The following KCNK10 variants were observed in gnomAD, a reference collection of about 807,000 sequenced individuals.
KCNK10 encodes the protein potassium channel subfamily K member 10.
Under a neutral mutation model 47.7 loss-of-function variants are expected in KCNK10, and 25 were observed. That is an observed-to-expected ratio of 0.52 (90% CI 0.38 to 0.73). The LOEUF is 0.73. Among genes scored for constraint, KCNK10 ranks in the 30% least tolerant of loss-of-function variants. The pLI, the probability that KCNK10 is intolerant of heterozygous loss-of-function variation, is 0.00. For missense variants in KCNK10, 563 were observed against 714.5 expected (o/e 0.79, Z 2.42); for synonymous variants, 303 against 285.6 (o/e 1.06, Z -0.61).
At chr14:88,241,288 T>C (rs1208111652) in intron 2 of KCNK10, among the ~76,000 whole-genome samples, 1 of 152,222 alleles carries the variant, frequency 6.6e-6, no homozygotes, top group African/African-American at 2.4e-5. Flanking sequence ...CTGTGGCCGT[T>C]ATTAACTTCA....
At chr14:88,193,475 A>G (rs1884815410) in intron 4 of KCNK10, among the ~76,000 whole-genome samples, 1 of 152,148 alleles carries the variant, frequency 6.6e-6, no homozygotes, top group Non-Finnish European at 1.5e-5. Flanking sequence ...GGTGCTGGAG[A>G]CTGTCATCAG....
In KCNK10 at chr14:88,260,781, AT is replaced by A. The variant is rs1365329414; in HGVS notation, c.402+2420del. Among the ~76,000 whole-genome samples, 9 of 152,260 alleles carry A rather than the reference AT, an allele frequency of 5.9e-5. No individual in the cohort carries two copies. Among genetic ancestry groups the A allele is most frequent in the Non-Finnish European group, 1.2e-4 (8 of 68,050 alleles). On this transcript the variant is annotated intron_variant, in intron 2 of 6. Coordinates refer to ENST00000319231, the MANE Select transcript of KCNK10 (RefSeq NM_138317.3). The surrounding 1 kb of genome is among the most constrained non-coding windows in gnomAD (Gnocchi z 4.5). ...TGCCTAATAAAGAGCAGCTTTTTAA[AT>A]TGTTATAAAATTATCTTAAATGCAC...
At chr14:88,213,646 T>C (rs890781744) in intron 4 of KCNK10, among the ~76,000 whole-genome samples, 1 of 152,130 alleles carries the variant, frequency 6.6e-6, no homozygotes. Context: ...GAAGTGATTA[T>C]CTCTTCAATG....
intron 1 of KCNK10, among the ~76,000 whole-genome samples, chr14:88,275,321 C>T (rs1887504036): frequency 6.6e-6 from 1 of 152,162 alleles, no homozygotes; most frequent in Non-Finnish European, 1.5e-5. Flanking sequence ...TTTCCTGCAG[C>T]CTTCTCTCTG....
At chr14:88,218,147 C>T (rs1185614912) in intron 4 of KCNK10, among the ~76,000 whole-genome samples, 1 of 152,188 alleles carries the variant, frequency 6.6e-6, no homozygotes, top group African/African-American at 2.4e-5. Context: ...ACGTGGACCA[C>T]TGCGCCTGCC....
intron 1 of KCNK10, among the ~76,000 whole-genome samples, chr14:88,300,844 T>C (rs1480837671): frequency 1.1e-5 from 1 of 89,166 alleles, no homozygotes; most frequent in African/African-American, 4.4e-5. Context: ...TGAAAATTAG[T>C]TTTATTTATC....
At chr14:88,315,494 T>A (rs1310075449) in intron 1 of KCNK10, among the ~76,000 whole-genome samples, 3 of 152,232 alleles carry the variant, frequency 2.0e-5, no homozygotes, top group African/African-American at 7.2e-5. Flanking sequence ...ATCAAGCATC[T>A]CTATTCTGCC....
chr14:88,198,892 CTTATTTTATTTTATTTTATT>C (rs147609734), intron 4 of KCNK10, among the ~76,000 whole-genome samples: 1 of 135,286 alleles, frequency 7.4e-6, no homozygotes, highest in African/African-American at 2.7e-5. Context: ...TCTCCTTTGT[CTTATTTTATTTTATTTTATT>C]TTATTTTATT....
At chr14:88,223,573 G>A (rs1428152194) in intron 4 of KCNK10, among the ~76,000 whole-genome samples, 1 of 152,062 alleles carries the variant, frequency 6.6e-6, no homozygotes, top group East Asian at 1.9e-4. Flanking sequence ...TCTTCTGTCT[G>A]GGTGACTCTC....
chr14:88,272,940 T>C (rs1887440443), intron 1 of KCNK10, among the ~76,000 whole-genome samples: 1 of 152,152 alleles, frequency 6.6e-6, no homozygotes, highest in Non-Finnish European at 1.5e-5. Context: ...CTTATAACAG[T>C]ATCATGCTCT....
At position 88,322,807 on chromosome 14, in the gene KCNK10, T is replaced by C; in HGVS notation, c.-9A>G. 2 of 1,614,160 alleles carry C rather than the reference T, an allele frequency of 1.2e-6. No homozygotes were observed. Among genetic ancestry groups the C allele is most frequent in the Non-Finnish European group, 1.7e-6 (2 of 1,180,008 alleles). On this transcript the variant is annotated 5_prime_UTR_variant, in exon 1 of 7. Transcript: ENST00000319231. This position sits in a 1 kb window ranked among gnomAD's most constrained non-coding sequence, Gnocchi z 4.8. ...TCGATTGGAAATTTCATTGCTTCGT[T>C]GCCCAGAAGGGGAAGAAATGAAAAG...
chr14:88,185,811 GA>G lies in KCNK10; in HGVS notation c.1355del (p.Phe452SerfsTer58). 6.2e-7 allele frequency: 1 copy of G among 1,614,138 alleles called. No homozygotes were observed. The highest frequency in any genetic ancestry group is 8.5e-7 in the Non-Finnish European group (1 of 1,180,006). On this transcript the variant is annotated frameshift_variant, in exon 7 of 7. Coordinates refer to ENST00000319231, the MANE Select transcript of KCNK10 (RefSeq NM_138317.3). LOFTEE classifies it high-confidence loss of function. The surrounding 1 kb of genome is among the most constrained non-coding windows in gnomAD (Gnocchi z 4.3). ...GASEDNIINK[F>X]GSTSRLTKRK... The stretch of plus-strand genomic sequence containing the variant: ...TCTTGGTGAGTCTGGAGGTGGACCC[GA>G]ACTTGTTGATGATGTTGTCCTCGGA...
At position 88,320,676 on chromosome 14, in the gene KCNK10, G is replaced by A. The variant is rs74069545; in HGVS notation, c.52+2071C>T. On this transcript the variant is annotated intron_variant, in intron 1 of 6. Coordinates refer to ENST00000319231, the MANE Select transcript of KCNK10 (RefSeq NM_138317.3). ...TTCATGCAAAGCCTGTTGATTTCAC[G>A]TCCTCTACAGCTCTCTACTCCGTCC... Among the ~76,000 whole-genome samples, 534 of 152,128 alleles carry A rather than the reference G, an allele frequency of 3.5e-3. 2 individuals carry two copies. Among genetic ancestry groups the A allele is most frequent in the African/African-American group, 0.012 (517 of 41,472 alleles).
intron 1 of KCNK10, among the ~76,000 whole-genome samples, chr14:88,298,422 A>C (rs1423168947): frequency 6.6e-6 from 1 of 152,126 alleles, no homozygotes. Flanking sequence ...TCCATCACCT[A>C]CTGGAACTGC....
intron 4 of KCNK10, among the ~76,000 whole-genome samples, chr14:88,224,398 C>A (rs1354499265): frequency 6.6e-6 from 1 of 152,232 alleles, no homozygotes; most frequent in Non-Finnish European, 1.5e-5. Flanking sequence ...TAGTTCTGAA[C>A]TCCAGAGGAG....
intron 1 of KCNK10, among the ~76,000 whole-genome samples, chr14:88,302,456 T>A (rs1376261978): frequency 6.6e-6 from 1 of 152,178 alleles, no homozygotes; most frequent in Non-Finnish European, 1.5e-5. Flanking sequence ...ATGCCTGTAA[T>A]CCCAGCACTT....
At chr14:88,307,997 A>G (rs1368634141) in intron 1 of KCNK10, among the ~76,000 whole-genome samples, 3 of 152,138 alleles carry the variant, frequency 2.0e-5, no homozygotes, top group Admixed American at 2.0e-4. Flanking sequence ...CAAGTTGGGA[A>G]GCAGACACAG....
chr14:88,255,183 G>A (rs972786212), intron 2 of KCNK10, among the ~76,000 whole-genome samples: 1 of 152,076 alleles, frequency 6.6e-6, no homozygotes, highest in African/African-American at 2.4e-5. Context: ...CTTTTCCTTG[G>A]AGTAAAAGCT....
chr14:88,278,349 A>G (rs1428911940), intron 1 of KCNK10, among the ~76,000 whole-genome samples: 1 of 152,208 alleles, frequency 6.6e-6, no homozygotes, highest in Non-Finnish European at 1.5e-5. Context: ...CTATTACCAA[A>G]GCAGTCTCTA....
Sources: allele counts gnomAD v4.1 joint callset (sites outside exome capture counted in the v4.1 genomes callset), GRCh38; gene constraint gnomAD v4.1.1; non-coding constraint Gnocchi (gnomAD v3.1); transcripts MANE v1.5; gene names NCBI Gene and HGNC (gene_info 2026-07-23, HGNC 2026-07-21).